CHIC2: variants seen among roughly 807,000 people sequenced by gnomAD.
CHIC2 encodes cysteine rich hydrophobic domain 2, also known as cysteine-rich hydrophobic domain-containing protein 2.
A neutral mutation model predicts 25.9 loss-of-function variants in CHIC2; 14 were observed. The observed-to-expected ratio is 0.54, with a 90% confidence interval of 0.36 to 0.85. The LOEUF is 0.85. Among genes scored for constraint, CHIC2 ranks in the 40% least tolerant of loss-of-function variants. The pLI is 0.01. For missense variants in CHIC2, 146 were observed against 202.0 expected (o/e 0.72, Z 1.68); for synonymous variants, 70 against 72.0 (o/e 0.97, Z 0.14).
the CHIC2 span, among the ~76,000 whole-genome samples, chr4:54,091,193 G>A: frequency 1.3e-3 from 202 of 152,178 alleles, no homozygotes; most frequent in African/African-American, 4.5e-3. Context: ...GGGAGACAGC[G>A]CACCCCCCAG....
At chr4:54,081,852 G>C in the CHIC2 span, among the ~76,000 whole-genome samples, 2 of 152,126 alleles carry the variant, frequency 1.3e-5, no homozygotes, top group African/African-American at 4.8e-5. Context: ...GTGAGCCATA[G>C]CACCCAGCCT....
intron 3 of CHIC2, among the ~76,000 whole-genome samples, chr4:54,021,753 G>A (rs73145772): frequency 0.059 from 8,936 of 151,974 alleles, 886 homozygotes; most frequent in African/African-American, 0.2. Context: ...ACCCTTTGAC[G>A]TTTTACTGCC....
chr4:54,014,227 A>AT, intron 3 of CHIC2, 108 bp from the exon 4 acceptor site: 3 of 829,100 alleles, frequency 3.6e-6, no homozygotes, highest in Non-Finnish European at 6.0e-6. Context: ...GTGACTGAGT[A>AT]TAGTGTGGTG....
intron 3 of CHIC2, among the ~76,000 whole-genome samples, chr4:54,043,051 C>A (rs886230269): frequency 6.6e-6 from 1 of 152,110 alleles, no homozygotes; most frequent in East Asian, 1.9e-4. Flanking sequence ...TGGCTCACAC[C>A]TGTAATCCCA....
chr4:54,075,418 T>C, the CHIC2 span, among the ~76,000 whole-genome samples: 1 of 152,232 alleles, frequency 6.6e-6, no homozygotes, highest in Non-Finnish European at 1.5e-5. Context: ...GAAATCTTGC[T>C]ATTATCTTTT....
chr4:54,032,441 T>C lies in CHIC2; in HGVS notation c.330+16514A>G, dbSNP rs541252600. Among the ~76,000 whole-genome samples, 781 of 152,138 alleles carry C rather than the reference T, an allele frequency of 5.1e-3. 3 individuals carry two copies. Among genetic ancestry groups the C allele is most frequent in the Non-Finnish European group, 9.0e-3 (611 of 67,974 alleles). ...CCGCCACGCCTGACTGGTTTTCGTA[T>C]TTTTTTGGTGGAGACGGGGTTTCGC... On this transcript the variant is annotated intron_variant, in intron 3 of 5. Coordinates refer to ENST00000263921, the MANE Select transcript of CHIC2 (RefSeq NM_012110.4).
chr4:54,075,380 A>G, the CHIC2 span, among the ~76,000 whole-genome samples: 3 of 152,236 alleles, frequency 2.0e-5, no homozygotes, highest in African/African-American at 7.2e-5. Context: ...TCTTGGAGAA[A>G]CAAAATAGTT....
At chr4:54,074,384 A>C in the CHIC2 span, among the ~76,000 whole-genome samples, 1 of 152,070 alleles carries the variant, frequency 6.6e-6, no homozygotes. Context: ...ATCCTTTGGA[A>C]CTCTCACTTG....
intron 1 of CHIC2, among the ~76,000 whole-genome samples, chr4:54,053,082 C>T (rs1717057099): frequency 6.6e-6 from 1 of 152,126 alleles, no homozygotes; most frequent in South Asian, 2.1e-4. Flanking sequence ...ACCTTCCCTC[C>T]CTTTCATTTT....
intron 5 of CHIC2, among the ~76,000 whole-genome samples, chr4:54,013,488 CATT>C (rs1005187154): frequency 2.6e-5 from 4 of 152,070 alleles, no homozygotes; most frequent in Admixed American, 2.6e-4. Flanking sequence ...ACTTGATTAG[CATT>C]ATATAAAAAA....
intron 3 of CHIC2, among the ~76,000 whole-genome samples, chr4:54,043,024 T>C (rs974579619): frequency 6.6e-6 from 1 of 151,908 alleles, no homozygotes; most frequent in African/African-American, 2.4e-5. Flanking sequence ...CAAAATTTCA[T>C]TTTTGGCTGG....
chr4:54,020,357 G>A (rs1020733834), intron 3 of CHIC2, among the ~76,000 whole-genome samples: 3 of 151,876 alleles, frequency 2.0e-5, no homozygotes, highest in African/African-American at 7.3e-5. Flanking sequence ...TAACTCCACC[G>A]CCTATCCCAA....
chr4:54,065,528 GAGAA>G (rs917313758), upstream of CHIC2, among the ~76,000 whole-genome samples: 12 of 152,178 alleles, frequency 7.9e-5, no homozygotes, highest in East Asian at 1.9e-4. Flanking sequence ...AAGAATGGGA[GAGAA>G]AGAAAGAAGG....
the CHIC2 span, chr4:54,087,101 C>T: frequency 1.0e-3 from 1,008 of 970,190 alleles, 12 homozygotes; most frequent in African/African-American, 0.014. Context: ...GATGTGGGGT[C>T]GCTCTGCAGA....
chr4:54,022,635 C>A (rs779647294), intron 3 of CHIC2, among the ~76,000 whole-genome samples: 2 of 152,076 alleles, frequency 1.3e-5, no homozygotes, highest in African/African-American at 2.4e-5. Context: ...TCATTGCCAC[C>A]CTTCTTCCCA....
chr4:54,035,040 C>G (rs984098149), intron 3 of CHIC2, among the ~76,000 whole-genome samples: 1 of 152,104 alleles, frequency 6.6e-6, no homozygotes, highest in African/African-American at 2.4e-5. Flanking sequence ...ACATTCATTG[C>G]ATTTTTGGAT....
At chr4:54,036,172 G>A (rs1716378468) in intron 3 of CHIC2, among the ~76,000 whole-genome samples, 1 of 152,188 alleles carries the variant, frequency 6.6e-6, no homozygotes, top group Non-Finnish European at 1.5e-5. Flanking sequence ...TTTGCCTATT[G>A]TTGGTTAGAG....
upstream of CHIC2, chr4:54,065,187 T>C (rs1439326209): frequency 5.0e-6 from 2 of 398,920 alleles, no homozygotes; most frequent in South Asian, 1.0e-4. Flanking sequence ...AAACATCTTA[T>C]CCCTTGATCC....
chr4:54,044,733 A>C (rs1476458956), intron 3 of CHIC2, among the ~76,000 whole-genome samples: 2 of 152,182 alleles, frequency 1.3e-5, no homozygotes, highest in Admixed American at 1.3e-4. Flanking sequence ...TCACAATTAA[A>C]AGAACTAGAG....
Sources: allele counts gnomAD v4.1 joint callset (sites outside exome capture counted in the v4.1 genomes callset), GRCh38; gene constraint gnomAD v4.1.1; transcripts MANE v1.5; gene names NCBI Gene and HGNC (gene_info 2026-07-23, HGNC 2026-07-21).